SLC39A12: variants seen among roughly 807,000 people sequenced by gnomAD.
SLC39A12 encodes solute carrier family 39 member 12, also known as zinc transporter ZIP12.
A neutral mutation model predicts 71.1 loss-of-function variants in SLC39A12; 63 were observed. The observed-to-expected ratio is 0.89, with a 90% CI of 0.72 to 1.09. SLC39A12 has a LOEUF of 1.09. Among genes scored for constraint, SLC39A12 ranks in the 50% least tolerant of loss-of-function variants. The probability of loss-of-function intolerance (pLI) is 0.00; values close to 1 mark genes in which losing one functional copy is unlikely to be tolerated. For synonymous variants in SLC39A12, 351 were observed against 301.3 expected (o/e 1.16, Z -1.71); for missense variants, 892 against 812.6 (o/e 1.10, Z -1.19).
intron 2 of SLC39A12, among the ~76,000 whole-genome samples, chr10:17,957,682 G>A (rs1283316877): frequency 6.6e-6 from 1 of 152,000 alleles, no homozygotes; most frequent in Admixed American, 6.6e-5. Flanking sequence ...TAGTGGCGTC[G>A]AACTGAAAAT....
rs373860855 is a variant in SLC39A12 at position 17,987,606 on chromosome 10, C to T, written c.1224C>T (p.Ala408=). 1.2e-5 allele frequency: 20 copies of T among 1,614,002 alleles called. No homozygotes were observed. Among genetic ancestry groups the T allele is most frequent in the South Asian group, 3.3e-5 (3 of 91,076 alleles). ...RLILQLFVGL[A]VGTLSGDALL... ...TCTTACAGCTGTTTGTGGGCTTGGC[C>T]GTCGGGACACTGTCTGGGGACGCTC... Residue 408 remains alanine (A), a synonymous_variant, in exon 7 of 13, where the codon GCC becomes GCT. Transcript: ENST00000377369.
At chr10:18,025,629 A>C (rs1011383137) in intron 12 of SLC39A12, among the ~76,000 whole-genome samples, 1 of 152,136 alleles carries the variant, frequency 6.6e-6, no homozygotes, top group African/African-American at 2.4e-5. Flanking sequence ...AATCCAGTCT[A>C]TCATTGTTGG....
chr10:18,028,968 C>A (rs77599383), intron 12 of SLC39A12, among the ~76,000 whole-genome samples: 2,321 of 152,324 alleles, frequency 0.015, 31 homozygotes, highest in Non-Finnish European at 0.023. Flanking sequence ...GATCCACCCG[C>A]CTCAGCCTCC....
At chr10:18,000,291 A>G (rs1347116142) in intron 10 of SLC39A12, among the ~76,000 whole-genome samples, 1 of 152,236 alleles carries the variant, frequency 6.6e-6, no homozygotes, top group Non-Finnish European at 1.5e-5. Context: ...CATTTAGTCT[A>G]TAGCAAGTTT....
chr10:18,036,092 T>C (rs1237160590), intron 12 of SLC39A12, among the ~76,000 whole-genome samples: 3 of 152,242 alleles, frequency 2.0e-5, no homozygotes, highest in Non-Finnish European at 4.4e-5. Flanking sequence ...AGGTTACTGC[T>C]GTCTTTTTGT....
intron 2 of SLC39A12, among the ~76,000 whole-genome samples, chr10:17,960,659 A>G (rs1281529222): frequency 6.6e-6 from 1 of 152,214 alleles, no homozygotes; most frequent in Non-Finnish European, 1.5e-5. Flanking sequence ...ATTTTACAAT[A>G]CGAGTGCTAT....
Position 18,026,494 on chromosome 10 carries a change from A to G in SLC39A12, c.1948-16211A>G, listed in dbSNP as rs146755976. ...TCATTTTCTGAAGTTTAAAGATGAT[A>G]TGCATAGACGTAGGGTTTTTTAAAG... On this transcript the variant is annotated intron_variant, in intron 12 of 12. Transcript: ENST00000377369. Among the ~76,000 whole-genome samples the G allele has an allele frequency of 8.7e-4, 132 of 152,240 alleles. 1 individual carries two copies. Among genetic ancestry groups the G allele is most frequent in the African/African-American group, 2.4e-3 (101 of 41,560 alleles).
At chr10:18,022,250 C>T (rs1836553307) in intron 12 of SLC39A12, among the ~76,000 whole-genome samples, 1 of 152,086 alleles carries the variant, frequency 6.6e-6, no homozygotes, top group Non-Finnish European at 1.5e-5. Flanking sequence ...CCGTGTCTTC[C>T]AGGAATGCCA....
At chr10:18,026,509 GT>G (rs933154489) in intron 12 of SLC39A12, among the ~76,000 whole-genome samples, 1 of 152,004 alleles carries the variant, frequency 6.6e-6, no homozygotes, top group East Asian at 1.9e-4. Context: ...TAGACGTAGG[GT>G]TTTTTAAAGC....
At chr10:17,960,169 T>A (rs990052248) in intron 2 of SLC39A12, among the ~76,000 whole-genome samples, 6 of 151,116 alleles carry the variant, frequency 4.0e-5, no homozygotes, top group African/African-American at 9.9e-5. Flanking sequence ...AAACCAAAAA[T>A]TTTTTTTAAC....
intron 12 of SLC39A12, among the ~76,000 whole-genome samples, chr10:18,014,442 T>C (rs1589248900): frequency 6.6e-6 from 1 of 152,326 alleles, no homozygotes; most frequent in African/African-American, 2.4e-5. Flanking sequence ...AATATAATGC[T>C]GTAGTGCATA....
intron 4 of SLC39A12, among the ~76,000 whole-genome samples, chr10:17,970,779 T>C (rs1187476115): frequency 2.6e-5 from 4 of 151,900 alleles, no homozygotes; most frequent in African/African-American, 9.7e-5. Context: ...CATTCCAATT[T>C]GGATGCCCTT....
At chr10:18,036,483 G>A (rs1045089291) in intron 12 of SLC39A12, among the ~76,000 whole-genome samples, 3 of 151,996 alleles carry the variant, frequency 2.0e-5, no homozygotes, top group Non-Finnish European at 4.4e-5. Context: ...TCCCAGATGA[G>A]GCAATGCCTC....
At chr10:18,037,150 T>G (rs945925771) in intron 12 of SLC39A12, among the ~76,000 whole-genome samples, 14 of 152,160 alleles carry the variant, frequency 9.2e-5, no homozygotes, top group African/African-American at 3.4e-4. Context: ...TTCCTCTTCT[T>G]GAATTACCTG....
At chr10:17,986,477 T>G (rs544077320) in intron 6 of SLC39A12, among the ~76,000 whole-genome samples, 5 of 152,190 alleles carry the variant, frequency 3.3e-5, no homozygotes, top group Non-Finnish European at 2.9e-5. Flanking sequence ...TCCTGGTTCA[T>G]GGACTGGTGA....
At chr10:17,995,315 G>A (rs1589237176) in intron 9 of SLC39A12, among the ~76,000 whole-genome samples, 4 of 152,258 alleles carry the variant, frequency 2.6e-5, no homozygotes, top group Admixed American at 2.6e-4. Flanking sequence ...GCTGAGTTAG[G>A]CCAAGAATAA....
chr10:17,993,959 A>G (rs1835621201), intron 9 of SLC39A12, among the ~76,000 whole-genome samples: 1 of 152,192 alleles, frequency 6.6e-6, no homozygotes, highest in African/African-American at 2.4e-5. Context: ...CGGTGTAAGG[A>G]CAGCTTCCTC....
intron 2 of SLC39A12, among the ~76,000 whole-genome samples, chr10:17,959,124 CT>C (rs1834623004): frequency 6.6e-6 from 1 of 151,836 alleles, no homozygotes; most frequent in African/African-American, 2.4e-5. Flanking sequence ...TTTATTTACA[CT>C]TTTTATAAAA....
intron 4 of SLC39A12, among the ~76,000 whole-genome samples, chr10:17,975,479 T>G (rs1159401629): frequency 6.6e-6 from 1 of 152,184 alleles, no homozygotes; most frequent in Non-Finnish European, 1.5e-5. Context: ...AGCTAGGACC[T>G]GGAAACAGGA....
Sources: allele counts gnomAD v4.1 joint callset (sites outside exome capture counted in the v4.1 genomes callset), GRCh38; gene constraint gnomAD v4.1.1; transcripts MANE v1.5; gene names NCBI Gene and HGNC (gene_info 2026-07-23, HGNC 2026-07-21).